MANBA: variants seen among roughly 807,000 people sequenced by gnomAD.
MANBA encodes the protein mannosidase beta, also known as beta-mannosidase.
A neutral mutation model predicts 111.1 loss-of-function variants in MANBA; 83 were observed. That is an observed-to-expected ratio of 0.75 (90% CI 0.63 to 0.90). The LOEUF (loss-of-function observed/expected upper bound fraction) is 0.90, where lower values mean the gene tolerates loss of function less well. MANBA is among the 40% of genes least tolerant of loss of function. The pLI is 0.00. For missense variants in MANBA, 1,036 were observed against 1,069.0 expected, an observed-to-expected ratio of 0.97 and a Z score of 0.43; for synonymous variants, 370 against 378.7, an observed-to-expected ratio of 0.98 and a Z score of 0.27.
At chr4:102,701,594 G>T (rs227292) in intron 5 of MANBA, among the ~76,000 whole-genome samples, 95,876 of 149,170 alleles carry the variant, frequency 0.64, 31,053 homozygotes, top group South Asian at 0.79. Flanking sequence ...GTCTGTAAAG[G>T]ATTTTATTTC....
intron 5 of MANBA, among the ~76,000 whole-genome samples, chr4:102,694,269 C>A (rs1038986978): frequency 1.3e-5 from 2 of 152,102 alleles, no homozygotes; most frequent in Non-Finnish European, 2.9e-5. Context: ...AAGTTATCAC[C>A]AGATATACTT....
chr4:102,687,900 C>T (rs376247255), intron 7 of MANBA, among the ~76,000 whole-genome samples: 2 of 152,164 alleles, frequency 1.3e-5, no homozygotes, highest in African/African-American at 2.4e-5. Flanking sequence ...AGCAACTCTA[C>T]GGCAGCCACA....
intron 9 of MANBA, chr4:102,671,058 TG>T (rs1306206117): frequency 2.3e-6 from 1 of 441,970 alleles, no homozygotes; most frequent in Non-Finnish European, 4.1e-6. Context: ...ATATGTATAC[TG>T]GGATATAAAT....
At chr4:102,676,058 TCAGA>T (rs1471778670) in intron 7 of MANBA, among the ~76,000 whole-genome samples, 5 of 152,064 alleles carry the variant, frequency 3.3e-5, no homozygotes, top group Non-Finnish European at 1.5e-5. Context: ...AACTGACATA[TCAGA>T]CAGTCTTTTG....
intron 13 of MANBA, among the ~76,000 whole-genome samples, chr4:102,650,208 G>A (rs970322517): frequency 6.6e-6 from 1 of 152,142 alleles, no homozygotes; most frequent in Non-Finnish European, 1.5e-5. Flanking sequence ...TCTGTTTCTG[G>A]ACTCTATTGT....
chr4:102,632,219 G>C lies in MANBA; in HGVS notation c.2478C>G (p.Pro826=), dbSNP rs758103164. The part of the protein sequence containing the change: ...VFDLETSAVA[P]FVWLDVGSIP... ...TGCTTCCTACATCCAACCAAACAAA[G>C]GGAGCGACAGCTGAGGTCTCCAGGT... Residue 826 remains proline (P), a synonymous_variant, in exon 17 of 17, where the codon CCC becomes CCG. Transcript: ENST00000647097. 6.2e-7 allele frequency: 1 copy of C among 1,613,874 alleles called. No individual in the cohort carries two copies. The highest frequency in any genetic ancestry group is 2.2e-5 in the East Asian group (1 of 44,882).
rs1247328206 is a variant in MANBA, at chr4:102,631,172, C to G, written c.*885G>C. The G allele has an allele frequency of 2.0e-5, 3 of 150,604 alleles. No homozygotes were observed. The highest frequency in any genetic ancestry group is 2.9e-5 in the Non-Finnish European group (2 of 67,944). 9.3% of individuals were successfully genotyped at this position (150,604 alleles called of 1,614,324 possible). A position where few individuals can be genotyped will look rare whatever the true frequency, so the allele number is the denominator to read the frequency against. On this transcript the variant is annotated 3_prime_UTR_variant, in exon 17 of 17. Coordinates refer to ENST00000647097, the MANE Select transcript of MANBA (RefSeq NM_005908.4). ...TGTGTGTACATATAAAATGAGGATA[C>G]TCTTAGATACTGAAGAAGACTGGAT...
At chr4:102,729,964 GGTTGACTGTGATGGT>G in intron 1 of MANBA, 1 of 1,028,098 alleles carries the variant, frequency 9.7e-7, no homozygotes, top group African/African-American at 1.6e-5. Context: ...AGCAGGCTCT[GGTTGACTGTGATGGT>G]GGTGATGCCA....
At chr4:102,674,128 T>C in intron 7 of MANBA, 58 bp from the exon 8 acceptor site, 1 of 1,401,162 alleles carries the variant, frequency 7.1e-7, no homozygotes, top group Non-Finnish European at 1.0e-6. Context: ...AAAATAGTTT[T>C]TTTAAAAAAA....
intron 12 of MANBA, among the ~76,000 whole-genome samples, chr4:102,657,232 G>GGT (rs70937558): frequency 9.4e-6 from 1 of 106,460 alleles, no homozygotes; most frequent in Non-Finnish European, 1.9e-5. Context: ...TGGGGGGGGG[G>GGT]TGGGCGGTGG....
chr4:102,735,353 G>A (rs915504860), intron 1 of MANBA, among the ~76,000 whole-genome samples: 3 of 151,728 alleles, frequency 2.0e-5, no homozygotes, highest in African/African-American at 4.8e-5. Context: ...CACGTTCAAG[G>A]TGTGCCTTTT....
chr4:102,697,286 T>G (rs1732760913), intron 5 of MANBA, among the ~76,000 whole-genome samples: 1 of 152,138 alleles, frequency 6.6e-6, no homozygotes, highest in Admixed American at 6.5e-5. Flanking sequence ...AAAAATTGAT[T>G]CCAAATGAAT....
rs149319204 is a variant in MANBA, at chr4:102,643,655, T to C, written c.1870-3798A>G. On this transcript the variant is annotated intron_variant, in intron 13 of 16. Coordinates refer to ENST00000647097, the MANE Select transcript of MANBA (RefSeq NM_005908.4). ...TTTGCATTTCTCTAATAACTAATGA[T>C]GTTGAGCATCTTTCTATGTGTTTAC... Among the ~76,000 whole-genome samples, 1,315 of 152,298 alleles carry C rather than the reference T, an allele frequency of 8.6e-3. 23 individuals carry two copies. Among genetic ancestry groups the C allele is most frequent in the African/African-American group, 0.029 (1,198 of 41,558 alleles).
intron 7 of MANBA, among the ~76,000 whole-genome samples, chr4:102,688,364 TTC>T (rs70937562): frequency 0.061 from 6,386 of 104,612 alleles, 224 homozygotes; most frequent in Middle Eastern, 0.17. Flanking sequence ...TACACACTCT[TTC>T]TCTCTCTCCC....
chr4:102,663,949 G>T (rs1731086034), intron 11 of MANBA, among the ~76,000 whole-genome samples: 1 of 152,186 alleles, frequency 6.6e-6, no homozygotes, highest in South Asian at 2.1e-4. Context: ...AGCGGGGTTG[G>T]AGACCAGCTC....
At chr4:102,721,448 T>C (rs890103289) in intron 4 of MANBA, among the ~76,000 whole-genome samples, 2 of 152,020 alleles carry the variant, frequency 1.3e-5, no homozygotes, top group Non-Finnish European at 2.9e-5. Flanking sequence ...GAAAGAAGGG[T>C]CATGTAAAGA....
At chr4:102,717,756 G>A (rs1477183162) in intron 4 of MANBA, among the ~76,000 whole-genome samples, 1 of 152,168 alleles carries the variant, frequency 6.6e-6, no homozygotes, top group Non-Finnish European at 1.5e-5. Context: ...ACAGTCTGAT[G>A]CATTCCAGAA....
At chr4:102,662,801 T>G (rs1316623600) in intron 11 of MANBA, 1 of 157,340 alleles carries the variant, frequency 6.4e-6, no homozygotes, top group Non-Finnish European at 1.4e-5. Context: ...GAGTCTACTG[T>G]GCTACCCAGC....
intron 1 of MANBA, among the ~76,000 whole-genome samples, chr4:102,731,125 C>T (rs998966946): frequency 6.6e-5 from 10 of 151,792 alleles, no homozygotes; most frequent in Non-Finnish European, 5.9e-5. Flanking sequence ...TGTGCTCTTG[C>T]GATCTTGATT....
Sources: gnomAD v4.1 joint callset for allele counts (sites outside exome capture counted in the v4.1 genomes callset) on GRCh38, gnomAD v4.1.1 for gene constraint, MANE v1.5 for transcripts, NCBI Gene and HGNC (gene_info 2026-07-23, HGNC 2026-07-21) for gene names.